Variants in TIAM1 observed in about 807,000 individuals in gnomAD.
The protein encoded by TIAM1 is rho guanine nucleotide exchange factor TIAM1.
A neutral mutation model predicts 163.5 loss-of-function variants in TIAM1; 65 were observed. That is an observed-to-expected ratio of 0.40 (90% CI 0.33 to 0.49). TIAM1 has a LOEUF of 0.49. TIAM1 is among the 20% of genes least tolerant of loss of function. The pLI, the probability that TIAM1 is intolerant of heterozygous loss-of-function variation, is 0.77. For synonymous variants in TIAM1, 833 were observed against 810.1 expected (o/e 1.03, Z -0.48); for missense variants, 1,789 against 2,044.7 (o/e 0.87, Z 2.41).
At chr21:31,199,067 C>T (rs549498880) in intron 12 of TIAM1, among the ~76,000 whole-genome samples, 3 of 152,264 alleles carry the variant, frequency 2.0e-5, no homozygotes, top group African/African-American at 7.2e-5. Flanking sequence ...TTTATTAAAT[C>T]AATAATGTTG....
intron 2 of TIAM1, among the ~76,000 whole-genome samples, chr21:31,406,877 G>A (rs1265329839): frequency 6.6e-6 from 1 of 152,148 alleles, no homozygotes; most frequent in Non-Finnish European, 1.5e-5. Context: ...CATTAGATGA[G>A]TTTTTTAAGT....
At chr21:31,522,777 A>G (rs2047647688) in intron 1 of TIAM1, among the ~76,000 whole-genome samples, 1 of 152,222 alleles carries the variant, frequency 6.6e-6, no homozygotes, top group African/African-American at 2.4e-5. Flanking sequence ...TGGCTATAAC[A>G]TATCAAGAAT....
At chr21:31,514,547 G>C (rs890701102) in intron 1 of TIAM1, among the ~76,000 whole-genome samples, 4 of 151,534 alleles carry the variant, frequency 2.6e-5, no homozygotes, top group Non-Finnish European at 4.4e-5. Flanking sequence ...AAATAGCCAG[G>C]TGTGGTGGCA....
chr21:31,543,572 T>C (rs1233621094), intron 1 of TIAM1, among the ~76,000 whole-genome samples: 1 of 152,018 alleles, frequency 6.6e-6, no homozygotes, highest in Non-Finnish European at 1.5e-5. Context: ...AAGCAGAACA[T>C]CGAGGAAAAC....
intron 2 of TIAM1, among the ~76,000 whole-genome samples, chr21:31,296,341 C>T (rs1049398876): frequency 1.3e-5 from 2 of 151,956 alleles, no homozygotes; most frequent in African/African-American, 2.4e-5. Flanking sequence ...TTTAAATGAA[C>T]AAAAACAGAT....
chr21:31,186,997 T>C lies in TIAM1; in HGVS notation c.2662+4A>G, dbSNP rs780873999. 5 of 1,613,826 alleles carry C rather than the reference T, an allele frequency of 3.1e-6. No homozygotes were observed. The African/African-American group carries it at 6.7e-5, about 22-fold the overall frequency. ...GACAGACCAGCCCTCCTTCACTGAC[T>C]TACCTTTCTTGGAAGCTAAACCGGT... On this transcript the variant is annotated splice_donor_region_variant and intron_variant, in intron 14 of 27. Coordinates refer to ENST00000541036, the MANE Select transcript of TIAM1 (RefSeq NM_001353694.2).
chr21:31,379,733 C>A (rs2076746275), intron 2 of TIAM1, among the ~76,000 whole-genome samples: 1 of 152,126 alleles, frequency 6.6e-6, no homozygotes, highest in African/African-American at 2.4e-5. Flanking sequence ...CAACAAAGAT[C>A]AACCTCAAAA....
intron 2 of TIAM1, among the ~76,000 whole-genome samples, chr21:31,285,583 G>C (rs974473694): frequency 1.3e-5 from 2 of 152,222 alleles, no homozygotes; most frequent in Non-Finnish European, 2.9e-5. Context: ...TTTCACGCCA[G>C]GCATGGTGGC....
At chr21:31,187,200 G>A in intron 13 of TIAM1, 113 bp from the exon 14 acceptor site, 1 of 960,992 alleles carries the variant, frequency 1.0e-6, no homozygotes, top group Non-Finnish European at 1.6e-6. Context: ...ATTATAGTTT[G>A]GACTGATTGT....
chr21:31,362,153 C>T (rs190502611), intron 2 of TIAM1, among the ~76,000 whole-genome samples: 44 of 151,862 alleles, frequency 2.9e-4, no homozygotes, highest in South Asian at 2.1e-3. Context: ...GAGCTGTCAC[C>T]CTATCCCTTT....
intron 16 of TIAM1, among the ~76,000 whole-genome samples, chr21:31,163,936 T>A (rs1217328507): frequency 1.3e-5 from 2 of 152,120 alleles, no homozygotes. Flanking sequence ...GATGAATAAG[T>A]ATGGAAACAA....
intron 25 of TIAM1, 94 bp downstream of exon 25, chr21:31,130,119 A>C: frequency 2.2e-6 from 2 of 925,400 alleles, no homozygotes; most frequent in African/African-American, 1.7e-5. Context: ...AAAAGACGGT[A>C]GAAGAGTTAG....
intron 1 of TIAM1, among the ~76,000 whole-genome samples, chr21:31,479,982 G>A (rs16988290): frequency 0.028 from 4,292 of 152,212 alleles, 193 homozygotes; most frequent in African/African-American, 0.098. Context: ...TATACAGTGC[G>A]GCCATTGTCC....
intron 2 of TIAM1, among the ~76,000 whole-genome samples, chr21:31,287,844 A>T (rs1005670246): frequency 3.9e-5 from 6 of 152,228 alleles, no homozygotes; most frequent in Non-Finnish European, 7.3e-5. Flanking sequence ...TACATGATCA[A>T]ACATAGTTTT....
intron 2 of TIAM1, among the ~76,000 whole-genome samples, chr21:31,300,639 T>C (rs2074461245): frequency 6.6e-6 from 1 of 152,236 alleles, no homozygotes; most frequent in Admixed American, 6.5e-5. Context: ...ACATCTTTAC[T>C]ACAAGTTTTT....
At chr21:31,284,433 T>G (rs1056909253) in intron 2 of TIAM1, among the ~76,000 whole-genome samples, 1 of 152,150 alleles carries the variant, frequency 6.6e-6, no homozygotes, top group Admixed American at 6.5e-5. Flanking sequence ...GAAGCCACAC[T>G]TCCTAGGACA....
chr21:31,410,671 C>T (rs1018597643), intron 2 of TIAM1, among the ~76,000 whole-genome samples: 4 of 149,736 alleles, frequency 2.7e-5, no homozygotes, highest in East Asian at 2.0e-4. Context: ...TGTATATGTA[C>T]GAGACAGGGC....
chr21:31,383,853 C>A (rs1177835676), intron 2 of TIAM1, among the ~76,000 whole-genome samples: 3 of 152,120 alleles, frequency 2.0e-5, no homozygotes, highest in Admixed American at 2.0e-4. Flanking sequence ...TTTCCACTTT[C>A]CAGAGTGAAA....
chr21:31,293,244 G>C (rs924424605), intron 2 of TIAM1, among the ~76,000 whole-genome samples: 2 of 152,176 alleles, frequency 1.3e-5, no homozygotes, highest in African/African-American at 4.8e-5. Context: ...AGGGCATCTG[G>C]AGGCAGAACT....
Sources: gnomAD v4.1 joint callset for allele counts (sites outside exome capture counted in the v4.1 genomes callset) on GRCh38, gnomAD v4.1.1 for gene constraint, MANE v1.5 for transcripts, NCBI Gene and HGNC (gene_info 2026-07-23, HGNC 2026-07-21) for gene names.